DMPK: variants seen among roughly 807,000 people sequenced by gnomAD.
DMPK encodes the protein DM1 protein kinase, also known as myotonin-protein kinase.
Under a neutral mutation model 70.3 loss-of-function variants are expected in DMPK, and 32 were observed. The ratio of observed to expected loss-of-function variants is 0.46; its 90% CI spans 0.34 to 0.61. DMPK has a LOEUF of 0.61. Ranked by LOEUF, DMPK falls within the 20% of genes least tolerant of loss-of-function variation. The pLI is 0.01. For missense variants in DMPK, 899 were observed against 886.0 expected, an observed-to-expected ratio of 1.01 and a Z score of -0.19; for synonymous variants, 469 against 390.9, an observed-to-expected ratio of 1.20 and a Z score of -2.36.
In DMPK at chr19:45,782,104, G is replaced by GCC. The variant is rs149612963; in HGVS notation, c.160+87_160+88dup. The GCC allele has an allele frequency of 8.4e-5, 61 of 722,560 alleles. 3 individuals are homozygous for GCC. Among genetic ancestry groups the GCC allele is most frequent in the South Asian group, 1.4e-4 (6 of 42,988 alleles). The allele number at this position is 722,560 out of a possible 1,614,324, so 44.8% of individuals were successfully genotyped here. The stretch of plus-strand genomic sequence containing the variant: ...CTCCCCATGCCCATCCTGCCATCCT[G>GCC]CCCCCCCAACAGCCAGGCCTCTGTG... On this transcript the variant is annotated intron_variant, in intron 1 of 14. Coordinates refer to ENST00000291270, the MANE Select transcript of DMPK (RefSeq NM_004409.5).
At chr19:45,781,177 G>A (rs974770003) in intron 1 of DMPK, among the ~76,000 whole-genome samples, 1 of 152,146 alleles carries the variant, frequency 6.6e-6, no homozygotes, top group African/African-American at 2.4e-5. Context: ...GGAGAAACAG[G>A]AAACAAGTGT....
intron 1 of DMPK, chr19:45,780,231 G>A (rs1600449407): frequency 2.0e-6 from 3 of 1,483,914 alleles, no homozygotes; most frequent in East Asian, 2.3e-5. Context: ...CCTGACTCCA[G>A]GTGACAGTTC....
rs1002777591 is a variant in DMPK, at chr19:45,779,716, G to A, written c.252+62C>T. On this transcript the variant is annotated intron_variant, in intron 2 of 14. Coordinates refer to ENST00000291270, the MANE Select transcript of DMPK (RefSeq NM_004409.5). The stretch of plus-strand genomic sequence containing the variant: ...GTCATTCATCAATTTCTAAGGCCCC[G>A]CCCCAACCCCTATGCCCCGCCCACC... 1.4e-5 allele frequency: 20 copies of A among 1,454,060 alleles called. No homozygotes were observed. The Admixed American group carries it at 2.5e-4, about 18-fold the overall frequency. 90.1% of individuals were successfully genotyped at this position (1,454,060 alleles called of 1,614,324 possible).
chr19:45,770,962 C>G lies in DMPK; in HGVS notation c.1737+9G>C. 7.0e-7 allele frequency: 1 copy of G among 1,418,928 alleles called. No individual in the cohort carries two copies. Among genetic ancestry groups the G allele is most frequent in the South Asian group, 1.5e-5 (1 of 66,122 alleles). 87.9% of individuals were successfully genotyped at this position (1,418,928 alleles called of 1,614,324 possible). On this transcript the variant is annotated intron_variant, in intron 14 of 14. Transcript: ENST00000291270. The stretch of plus-strand genomic sequence containing the variant: ...GACGGCGGAGGGGGGCGTGGGCAGC[C>G]GGACGTACCCTGGCAGGGAGCAGCA...
chr19:45,771,763 A>G lies in DMPK; in HGVS notation c.1502+8T>C, dbSNP rs1196157852. Reference sequence around the variant, plus strand: ...CATCCCGGCCCCGGCCCCGGCCCCGATCCCGACCTGGCGAAGTTCTGGTTG... The same window carrying G: ...CATCCCGGCCCCGGCCCCGGCCCCGGTCCCGACCTGGCGAAGTTCTGGTTG... On this transcript the variant is annotated splice_region_variant and intron_variant, in intron 11 of 14. Transcript: ENST00000291270. 1 of 1,581,594 alleles carries G rather than the reference A, an allele frequency of 6.3e-7. No individual in the cohort carries two copies. The highest frequency in any genetic ancestry group is 1.4e-5 in the African/African-American group (1 of 73,938).
intron 1 of DMPK, 190 bp from the exon 2 acceptor site, chr19:45,780,059 T>C (rs755793415): frequency 1.3e-6 from 2 of 1,528,968 alleles, no homozygotes; most frequent in South Asian, 1.2e-5. Flanking sequence ...TGCCCTCCCA[T>C]AGAGGTGAGA....
intron 5 of DMPK, 27 bp downstream of exon 5, chr19:45,778,466 C>A: frequency 6.2e-7 from 1 of 1,606,622 alleles, no homozygotes; most frequent in Admixed American, 1.7e-5. Context: ...AACAAGCTTG[C>A]TATCCCCTCG....
At position 45,771,270 on chromosome 19, in the gene DMPK, G is replaced by A. The variant is rs1969416960; in HGVS notation, c.1647+80C>T. The A allele has an allele frequency of 2.6e-6, 4 of 1,521,434 alleles. No homozygotes were observed. In the African/African-American group the frequency reaches 5.6e-5, roughly 21 times the overall value. 94.2% of individuals were successfully genotyped at this position (1,521,434 alleles called of 1,614,324 possible). On this transcript the variant is annotated intron_variant, in intron 13 of 14. Coordinates refer to ENST00000291270, the MANE Select transcript of DMPK (RefSeq NM_004409.5). ...AAGACGTAGGGTGAGCCCTATATCT[G>A]GACGGGGAGACCAGGAGCCAGGGAG...
Position 45,779,282 on chromosome 19 carries a change from GAA to G in DMPK, c.412_413del (p.Phe138ProfsTer3). 1 of 1,613,990 alleles carries G rather than the reference GAA, an allele frequency of 6.2e-7. No homozygotes were observed. Among genetic ancestry groups the G allele is most frequent in the African/African-American group, 1.3e-5 (1 of 75,000 alleles). On this transcript the variant is annotated frameshift_variant, in exon 4 of 15. Transcript: ENST00000291270. LOFTEE classifies it high-confidence loss of function. ...RRWITQLHFA[F>X]QDENYLYLVM... Reference sequence around the variant, plus strand: ...AGCTCACCAGGTAGTTCTCATCCTGGAAGGCGAAGTGCAGCTGCGTGATCCAC... The same window carrying G: ...AGCTCACCAGGTAGTTCTCATCCTGGGGCGAAGTGCAGCTGCGTGATCCAC...
chr19:45,777,471 C>G lies in DMPK; in HGVS notation c.1002G>C (p.Arg334=). The change falls in exon 8 of 15, where the codon CGG becomes CGC. Residue 334 remains arginine, a synonymous_variant. Coordinates refer to ENST00000291270, the MANE Select transcript of DMPK (RefSeq NM_004409.5). This position sits in a 1 kb window ranked among gnomAD's most constrained non-coding sequence, Gnocchi z 6.7. The stretch of plus-strand genomic sequence containing the variant: ...CGAGGCCAAAGAAGAAGGGATGTGT[C>G]CGGAAGTCGCCTGCTCCACCCCGGC... ...RLGRGGAGDF[R]THPFFFGLDW... 6.2e-7 allele frequency: 1 copy of G among 1,613,462 alleles called. No homozygotes were observed. The highest frequency in any genetic ancestry group is 8.5e-7 in the Non-Finnish European group (1 of 1,180,032).
intron 2 of DMPK, 85 bp downstream of exon 2, chr19:45,779,693 C>A: frequency 6.5e-7 from 1 of 1,530,186 alleles, no homozygotes; most frequent in South Asian, 1.3e-5. Flanking sequence ...AAGGCTCGGT[C>A]ATTCATCAAT....
rs1969820580 is a variant in DMPK, at chr19:45,777,247, G to A, written c.1146+80C>T. 2 of 1,457,830 alleles carry A rather than the reference G, an allele frequency of 1.4e-6. No individual in the cohort carries two copies. The highest frequency in any genetic ancestry group is 1.4e-5 in the African/African-American group (1 of 70,178). 90.3% of individuals were successfully genotyped at this position (1,457,830 alleles called of 1,614,324 possible). A position where few individuals can be genotyped will look rare whatever the true frequency, so the allele number is the denominator to read the frequency against. On this transcript the variant is annotated intron_variant, in intron 8 of 14. Transcript: ENST00000291270. This position sits in a 1 kb window ranked among gnomAD's most constrained non-coding sequence, Gnocchi z 6.7. ...AATGAGTGATTCAGGACCCCAGAAG[G>A]TAGGCACTGTCCTTACTCCAACTTT...
rs1446969456 is a variant in DMPK, at chr19:45,772,724, T to C, written c.1261A>G (p.Met421Val). ...RDSEVPGPTP[M>V]ELEAEQLLEP... ...AGCAGCTGCTCGGCCTCCAGTTCCA[T>C]GGGTGTGGGGCCTGGGACCTCACTG... The change falls in exon 10 of 15, where the codon ATG becomes GTG. Residue 421 changes from methionine (M) to valine (V), a missense_variant. Coordinates refer to ENST00000291270, the MANE Select transcript of DMPK (RefSeq NM_004409.5). The C allele has an allele frequency of 2.0e-6, 3 of 1,514,330 alleles. No homozygotes were observed. Among genetic ancestry groups the C allele is most frequent in the African/African-American group, 1.5e-5 (1 of 68,086 alleles). 93.8% of individuals were successfully genotyped at this position (1,514,330 alleles called of 1,614,324 possible).
At chr19:45,778,397 A>G in intron 5 of DMPK, 96 bp downstream of exon 5, 2 of 1,501,358 alleles carry the variant, frequency 1.3e-6, no homozygotes, top group Non-Finnish European at 1.8e-6. Flanking sequence ...CCAACCAAGA[A>G]GGTCCCTCTC....
chr19:45,773,978 T>C (rs1969627509), intron 9 of DMPK, among the ~76,000 whole-genome samples: 1 of 145,108 alleles, frequency 6.9e-6, no homozygotes, highest in African/African-American at 2.6e-5. Context: ...TTTTTTGAGA[T>C]GAAGTTTCAC....
At position 45,772,725 on chromosome 19, in the gene DMPK, G is replaced by A. The variant is rs755811609; in HGVS notation, c.1260C>T (p.Pro420=). 3 of 1,511,764 alleles carry A rather than the reference G, an allele frequency of 2.0e-6. No individual in the cohort carries two copies. Among genetic ancestry groups the A allele is most frequent in the South Asian group, 2.7e-5 (2 of 73,452 alleles). The allele number at this position is 1,511,764 out of a possible 1,614,324, so 93.6% of individuals were successfully genotyped here. ...GCAGCTGCTCGGCCTCCAGTTCCAT[G>A]GGTGTGGGGCCTGGGACCTCACTGT... ...LRDSEVPGPT[P]MELEAEQLLE... is the part of the protein sequence containing the mutation. The change falls in exon 10 of 15, where the codon CCC becomes CCT. Residue 420 remains proline (P), a synonymous_variant. Coordinates refer to ENST00000291270, the MANE Select transcript of DMPK (RefSeq NM_004409.5).
rs1969213008 is a variant in DMPK, at chr19:45,769,798, TGTC to T, written c.*687_*689del. The T allele has an allele frequency of 4.9e-6, 1 of 202,710 alleles. No individual in the cohort carries two copies. Among genetic ancestry groups the T allele is most frequent in the Admixed American group, 5.3e-5 (1 of 18,692 alleles). 12.6% of individuals were successfully genotyped at this position (202,710 alleles called of 1,614,324 possible). ...GGGACAGACAATAAATACCGAGGAA[TGTC>T]GGGGTCTCAGTGCATCCAAAACGTG... On this transcript the variant is annotated 3_prime_UTR_variant, in exon 15 of 15. Coordinates refer to ENST00000291270, the MANE Select transcript of DMPK (RefSeq NM_004409.5).
At position 45,777,894 on chromosome 19, in the gene DMPK, C is replaced by T. The variant is rs372905696; in HGVS notation, c.676-21G>A. The T allele has an allele frequency of 1.2e-4, 194 of 1,592,370 alleles. No homozygotes were observed. Among genetic ancestry groups the T allele is most frequent in the East Asian group, 1.1e-3 (49 of 44,780 alleles). On this transcript the variant is annotated intron_variant, in intron 6 of 14. Coordinates refer to ENST00000291270, the MANE Select transcript of DMPK (RefSeq NM_004409.5). The surrounding 1 kb of genome is among the most constrained non-coding windows in gnomAD (Gnocchi z 6.7). The stretch of plus-strand genomic sequence containing the variant: ...CGCACCTGGACCAAAAGGAGCAGAG[C>T]GAGGCTTGGGCCCACCCCTCTGGGC...
chr19:45,770,981 A>T lies in DMPK; in HGVS notation c.1727T>A (p.Leu576His), dbSNP rs1229555810. 1.4e-6 allele frequency: 2 copies of T among 1,432,870 alleles called. No individual in the cohort carries two copies. The highest frequency in any genetic ancestry group is 1.8e-6 in the Non-Finnish European group (2 of 1,097,950). 88.8% of individuals were successfully genotyped at this position (1,432,870 alleles called of 1,614,324 possible). A position where few individuals can be genotyped will look rare whatever the true frequency, so the allele number is the denominator to read the frequency against. ...GGCAGCCGGACGTACCCTGGCAGGG[A>T]GCAGCAGGTGGCGGCGGTGCATGGG... ...PGPMHRRHLLLPARVPRPGLS... is the reference protein window; with the variant it reads ...PGPMHRRHLLHPARVPRPGLS... The change falls in exon 14 of 15, where the codon CTC (leucine) becomes CAC (histidine). Residue 576 changes from leucine (L) to histidine (H), a missense_variant. Leu to His is a moderately conservative substitution (Grantham distance 99). Coordinates refer to ENST00000291270, the MANE Select transcript of DMPK (RefSeq NM_004409.5).
Sources: allele counts gnomAD v4.1 joint callset (sites outside exome capture counted in the v4.1 genomes callset), GRCh38; gene constraint gnomAD v4.1.1; non-coding constraint Gnocchi (gnomAD v3.1); transcripts MANE v1.5; gene names NCBI Gene and HGNC (gene_info 2026-07-23, HGNC 2026-07-21).